BORCS5: variants seen among roughly 807,000 people sequenced by gnomAD.
The protein encoded by BORCS5 is BLOC-1-related complex subunit 5.
Under a neutral mutation model 22.1 loss-of-function variants are expected in BORCS5, and 17 were observed. The ratio of observed to expected loss-of-function variants is 0.77; its 90% CI spans 0.53 to 1.15. The LOEUF (loss-of-function observed/expected upper bound fraction) is 1.15, where lower values mean the gene tolerates loss of function less well. BORCS5 is among the 50% of genes most tolerant of loss of function. BORCS5 has a pLI of 0.00. For synonymous variants in BORCS5, 117 were observed against 99.8 expected (o/e 1.17, Z -1.03); for missense variants, 247 against 253.2 (o/e 0.98, Z 0.17).
intron 2 of BORCS5, among the ~76,000 whole-genome samples, chr12:12,379,375 A>G (rs1261703717): frequency 6.6e-6 from 1 of 151,380 alleles, no homozygotes; most frequent in African/African-American, 2.4e-5. Context: ...TCAGCCTCCC[A>G]TAGTGCTGGG....
intron 2 of BORCS5, among the ~76,000 whole-genome samples, chr12:12,423,639 C>A (rs1013484035): frequency 2.4e-4 from 37 of 151,500 alleles, no homozygotes; most frequent in Admixed American, 5.3e-4. Flanking sequence ...TTAAGGTTCC[C>A]TTTTATGTGA....
chr12:12,378,947 G>A (rs889227410), intron 2 of BORCS5, among the ~76,000 whole-genome samples: 3 of 150,346 alleles, frequency 2.0e-5, no homozygotes, highest in African/African-American at 7.3e-5. Context: ...GTAGAAATAG[G>A]GTTCCGTATG....
At chr12:12,423,494 C>G (rs1049522044) in intron 2 of BORCS5, among the ~76,000 whole-genome samples, 1 of 118,410 alleles carries the variant, frequency 8.4e-6, no homozygotes, top group African/African-American at 3.2e-5. Context: ...ATTTCTCCCT[C>G]ATTTTTGAAG....
intron 2 of BORCS5, among the ~76,000 whole-genome samples, chr12:12,412,915 T>TA (rs1345439411): frequency 3.5e-5 from 5 of 143,318 alleles, no homozygotes; most frequent in East Asian, 4.0e-4. Context: ...TTTTTTTTTT[T>TA]TTTTTTTTTT....
At chr12:12,380,156 A>C (rs971050982) in intron 2 of BORCS5, among the ~76,000 whole-genome samples, 1 of 151,400 alleles carries the variant, frequency 6.6e-6, no homozygotes, top group Non-Finnish European at 1.5e-5. Flanking sequence ...AACAATTACA[A>C]TAGTGACATC....
chr12:12,427,426 C>T (rs933389380), intron 2 of BORCS5, among the ~76,000 whole-genome samples: 14 of 152,070 alleles, frequency 9.2e-5, no homozygotes, highest in Middle Eastern at 3.4e-3. Flanking sequence ...GTGATGGGCC[C>T]GCCTCGGCCT....
chr12:12,400,255 C>T (rs1402095386), intron 2 of BORCS5, among the ~76,000 whole-genome samples: 1 of 152,158 alleles, frequency 6.6e-6, no homozygotes, highest in African/African-American at 2.4e-5. Context: ...TTATCACAGG[C>T]TATTTCTCTG....
intron 2 of BORCS5, among the ~76,000 whole-genome samples, chr12:12,407,708 G>GTTTT (rs111497303): frequency 1.2e-4 from 17 of 139,030 alleles, no homozygotes; most frequent in African/African-American, 3.8e-4. Context: ...TATTCTTTTT[G>GTTTT]TTTTTTTTTT....
intron 2 of BORCS5, among the ~76,000 whole-genome samples, chr12:12,366,675 T>C (rs1565829474): frequency 6.6e-6 from 1 of 152,222 alleles, no homozygotes; most frequent in Non-Finnish European, 1.5e-5. Flanking sequence ...GATTTCTTAC[T>C]TGAAATTCAA....
intron 2 of BORCS5, among the ~76,000 whole-genome samples, chr12:12,395,435 ATTTTTT>A (rs59277387): frequency 3.7e-5 from 4 of 107,856 alleles, no homozygotes; most frequent in Admixed American, 1.0e-4. Flanking sequence ...CACCCAGCTA[ATTTTTT>A]TTTTTTTTTT....
At chr12:12,399,760 G>A (rs1181815312) in intron 2 of BORCS5, among the ~76,000 whole-genome samples, 1 of 152,158 alleles carries the variant, frequency 6.6e-6, no homozygotes, top group Non-Finnish European at 1.5e-5. Flanking sequence ...GCCAAAGACT[G>A]TGTCCTTCTA....
intron 2 of BORCS5, among the ~76,000 whole-genome samples, chr12:12,426,083 G>A (rs1942280337): frequency 6.6e-6 from 1 of 152,226 alleles, no homozygotes; most frequent in African/African-American, 2.4e-5. Context: ...ACATCACACA[G>A]GTTTTAAATG....
At position 12,395,435 on chromosome 12, in the gene BORCS5, ATT is replaced by A. The variant is rs59277387; in HGVS notation, c.202+34108_202+34109del. Among the ~76,000 whole-genome samples, 1,071 of 107,850 alleles carry A rather than the reference ATT, an allele frequency of 9.9e-3. 11 individuals are homozygous for A. The highest frequency in any genetic ancestry group is 0.035 in the African/African-American group (874 of 24,620). 70.8% of individuals were successfully genotyped at this position (107,850 alleles called of 152,430 possible). On this transcript the variant is annotated intron_variant, in intron 2 of 3. Transcript: ENST00000314565. The stretch of plus-strand genomic sequence containing the variant: ...AGGTGCGTACCACCACACCCAGCTA[ATT>A]TTTTTTTTTTTTTTTTTTTTTGTAT...
rs1275084704 is a variant in BORCS5 at position 12,381,692 on chromosome 12, C to A, written c.202+20343C>A. On this transcript the variant is annotated intron_variant, in intron 2 of 3. Coordinates refer to ENST00000314565, the MANE Select transcript of BORCS5 (RefSeq NM_058169.6). ...GCATTTTACATTTAGGTCTGCGATC[C>A]ATTTTGACTTAATTTTTGTGAAAGG... Among the ~76,000 whole-genome samples, 3 of 151,394 alleles carry A rather than the reference C, an allele frequency of 2.0e-5. No individual in the cohort carries two copies. The East Asian group carries it at 5.8e-4, about 29-fold the overall frequency.
chr12:12,360,434 G>A (rs538305618), intron 1 of BORCS5, among the ~76,000 whole-genome samples: 2 of 152,106 alleles, frequency 1.3e-5, no homozygotes, highest in East Asian at 1.9e-4. Context: ...GACTCTTGCT[G>A]TCTTACCCAT....
chr12:12,405,107 A>G (rs1941565076), intron 2 of BORCS5, among the ~76,000 whole-genome samples: 1 of 152,220 alleles, frequency 6.6e-6, no homozygotes, highest in Non-Finnish European at 1.5e-5. Context: ...AATAATACAG[A>G]AGAAGGGTTC....
At chr12:12,405,001 A>T (rs1047846325) in intron 2 of BORCS5, among the ~76,000 whole-genome samples, 1 of 152,150 alleles carries the variant, frequency 6.6e-6, no homozygotes, top group East Asian at 1.9e-4. Flanking sequence ...GCGCCCGGCC[A>T]GAGAACTACT....
At chr12:12,362,176 T>C (rs1421759639) in intron 2 of BORCS5, among the ~76,000 whole-genome samples, 1 of 152,206 alleles carries the variant, frequency 6.6e-6, no homozygotes, top group African/African-American at 2.4e-5. Context: ...CTTTAATTCT[T>C]ACATCATTAA....
chr12:12,428,718 C>G (rs994197469), intron 2 of BORCS5, among the ~76,000 whole-genome samples: 1 of 151,896 alleles, frequency 6.6e-6, no homozygotes, highest in Non-Finnish European at 1.5e-5. Flanking sequence ...AGTGAAGTGT[C>G]ATGATGTTAT....
Sources: allele counts gnomAD v4.1 joint callset (sites outside exome capture counted in the v4.1 genomes callset), GRCh38; gene constraint gnomAD v4.1.1; transcripts MANE v1.5; gene names NCBI Gene and HGNC (gene_info 2026-07-23, HGNC 2026-07-21).